Variants in CADPS2 observed in about 807,000 individuals in gnomAD.
The protein encoded by CADPS2 is calcium-dependent secretion activator 2.
In CADPS2, 93 loss-of-function variants were observed where a neutral mutation model predicts 172.5. The observed-to-expected ratio is 0.54, with a 90% CI of 0.46 to 0.64. CADPS2 has a LOEUF of 0.64. Among genes scored for constraint, CADPS2 ranks in the 30% least tolerant of loss-of-function variants. The pLI is 0.00. For missense variants in CADPS2, 1,420 were observed against 1,565.9 expected (o/e 0.91, Z 1.57); for synonymous variants, 546 against 555.2 (o/e 0.98, Z 0.23).
intron 6 of CADPS2, among the ~76,000 whole-genome samples, chr7:122,593,377 T>C (rs1242734776): frequency 6.6e-6 from 1 of 151,594 alleles, no homozygotes; most frequent in Non-Finnish European, 1.5e-5. Flanking sequence ...CACAGCCGAG[T>C]ACAATGGTAC....
chr7:122,838,669 C>T (rs1186568690), intron 1 of CADPS2, among the ~76,000 whole-genome samples: 1 of 152,110 alleles, frequency 6.6e-6, no homozygotes, highest in Non-Finnish European at 1.5e-5. Flanking sequence ...GAGTGAACTC[C>T]CATTCACAAT....
intron 3 of CADPS2, among the ~76,000 whole-genome samples, chr7:122,651,273 A>AG (rs1285220966): frequency 2.0e-5 from 3 of 151,614 alleles, no homozygotes; most frequent in Admixed American, 2.0e-4. Context: ...AAAAAAAAAA[A>AG]AAGAAGACAG....
At chr7:122,353,927 C>A (rs2039014651) in intron 27 of CADPS2, among the ~76,000 whole-genome samples, 1 of 152,052 alleles carries the variant, frequency 6.6e-6, no homozygotes, top group African/African-American at 2.4e-5. Flanking sequence ...AAACAGGAGC[C>A]CTTTACATAT....
intron 4 of CADPS2, among the ~76,000 whole-genome samples, chr7:122,622,252 A>G (rs985659247): frequency 9.2e-5 from 14 of 152,218 alleles, no homozygotes; most frequent in Non-Finnish European, 2.1e-4. Flanking sequence ...ATATTTCTAA[A>G]ATTAGTAAAT....
At chr7:122,355,629 A>G (rs2151081780) in intron 27 of CADPS2, among the ~76,000 whole-genome samples, 1 of 151,834 alleles carries the variant, frequency 6.6e-6, no homozygotes, top group Non-Finnish European at 1.5e-5. Flanking sequence ...ATAAGAAGGT[A>G]TTGCCTTCTT....
chr7:122,634,998 C>T (rs1014117941), intron 3 of CADPS2, among the ~76,000 whole-genome samples: 5 of 151,864 alleles, frequency 3.3e-5, no homozygotes, highest in African/African-American at 9.7e-5. Context: ...CTTTTATTGC[C>T]CTGTCGTCCA....
intron 2 of CADPS2, among the ~76,000 whole-genome samples, chr7:122,731,344 G>C (rs1469071380): frequency 6.6e-6 from 1 of 151,548 alleles, no homozygotes; most frequent in Non-Finnish European, 1.5e-5. Context: ...ACTGTATACT[G>C]CCTTTTGGAA....
Position 122,735,384 on chromosome 7 carries a change from C to T in CADPS2, c.453+1571G>A, listed in dbSNP as rs185388832. On this transcript the variant is annotated intron_variant, in intron 2 of 29. Coordinates refer to ENST00000449022, the MANE Select transcript of CADPS2 (RefSeq NM_017954.11). ...CAAACCTGATCACTAAATTTGTGCA[C>T]TTTTTTTATTCATATATGGTGCCCA... is the stretch of plus-strand genomic sequence containing the variant. 2.1e-3 allele frequency among the ~76,000 whole-genome samples: 313 copies of T among 152,190 alleles called. 4 individuals carry two copies. Among genetic ancestry groups the T allele is most frequent in the Admixed American group, 0.017 (260 of 15,262 alleles).
At chr7:122,552,951 T>A (rs1420227055) in intron 8 of CADPS2, among the ~76,000 whole-genome samples, 1 of 152,064 alleles carries the variant, frequency 6.6e-6, no homozygotes, top group Non-Finnish European at 1.5e-5. Context: ...AAGCACTCTA[T>A]GACAGTTTCA....
intron 2 of CADPS2, chr7:122,698,720 T>C: frequency 6.2e-7 from 1 of 1,613,822 alleles, no homozygotes; most frequent in Non-Finnish European, 8.5e-7. Context: ...CTCTTCAAAG[T>C]GGAGCTTCTT....
At chr7:122,774,330 G>A (rs985392992) in intron 1 of CADPS2, among the ~76,000 whole-genome samples, 13 of 147,322 alleles carry the variant, frequency 8.8e-5, no homozygotes, top group African/African-American at 3.0e-4. Flanking sequence ...CAAAAGAACT[G>A]ACAAAAAAGT....
chr7:122,714,654 G>A (rs1210019080), intron 2 of CADPS2, among the ~76,000 whole-genome samples: 1 of 152,064 alleles, frequency 6.6e-6, no homozygotes, highest in Non-Finnish European at 1.5e-5. Context: ...TTCAAGAGGA[G>A]ACTAGCACAA....
chr7:122,597,116 T>G (rs1587706422), intron 6 of CADPS2, among the ~76,000 whole-genome samples: 1 of 152,070 alleles, frequency 6.6e-6, no homozygotes, highest in South Asian at 2.1e-4. Flanking sequence ...TCTGCCACTA[T>G]GAGCAAACAC....
At chr7:122,869,615 C>A (rs1024398665) in intron 1 of CADPS2, among the ~76,000 whole-genome samples, 5 of 151,770 alleles carry the variant, frequency 3.3e-5, no homozygotes, top group Non-Finnish European at 7.4e-5. Context: ...GAGAAGATCA[C>A]TAAGGAGCAA....
At chr7:122,398,204 G>T (rs116516739) in intron 20 of CADPS2, among the ~76,000 whole-genome samples, 2,488 of 152,248 alleles carry the variant, frequency 0.016, 68 homozygotes, top group African/African-American at 0.057. Context: ...TTAGTAGTAA[G>T]ATTTCAACAG....
chr7:122,508,000 T>C (rs2059733021), intron 9 of CADPS2, among the ~76,000 whole-genome samples: 1 of 152,182 alleles, frequency 6.6e-6, no homozygotes, highest in Non-Finnish European at 1.5e-5. Context: ...GGAATATTCA[T>C]TTATATAACA....
In CADPS2 at chr7:122,407,522, G is replaced by A. The variant is rs550099500; in HGVS notation, c.2746+18C>T. ...ACCCCTCCCCATTTCACATATGAAA[G>A]AAAACGCAAATGCTCACTGTCATTT... On this transcript the variant is annotated intron_variant, in intron 20 of 29. Transcript: ENST00000449022. 5.0e-6 allele frequency: 8 copies of A among 1,603,270 alleles called. No individual in the cohort carries two copies. The highest frequency in any genetic ancestry group is 6.8e-6 in the Non-Finnish European group (8 of 1,175,004).
intron 14 of CADPS2, among the ~76,000 whole-genome samples, chr7:122,454,287 T>A (rs1267684767): frequency 6.6e-6 from 1 of 152,046 alleles, no homozygotes; most frequent in East Asian, 1.9e-4. Context: ...CAATCCTGTC[T>A]CCTTTCCAAA....
intron 1 of CADPS2, among the ~76,000 whole-genome samples, chr7:122,877,941 G>GGC (rs1821662704): frequency 6.6e-6 from 1 of 151,834 alleles, no homozygotes; most frequent in African/African-American, 2.4e-5. Context: ...AGAAGATGAA[G>GGC]TCCAGGCCCT....
Sources: gnomAD v4.1 joint callset for allele counts (sites outside exome capture counted in the v4.1 genomes callset) on GRCh38, gnomAD v4.1.1 for gene constraint, MANE v1.5 for transcripts, NCBI Gene and HGNC (gene_info 2026-07-23, HGNC 2026-07-21) for gene names.